Variants in TMEM182 observed in about 807,000 individuals in gnomAD.
The protein encoded by TMEM182 is transmembrane protein 182.
A neutral mutation model predicts 26.8 loss-of-function variants in TMEM182; 20 were observed. The observed-to-expected ratio is 0.75, with a 90% CI of 0.53 to 1.09. The LOEUF (loss-of-function observed/expected upper bound fraction) is 1.09. Ranked by LOEUF, TMEM182 falls within the 50% of genes least tolerant of loss-of-function variation. The pLI is 0.00. For synonymous variants in TMEM182, 109 were observed against 102.2 expected (o/e 1.07, Z -0.40); for missense variants, 277 against 275.5 (o/e 1.01, Z -0.04).
downstream of TMEM182, among the ~76,000 whole-genome samples, chr2:102,822,317 G>T (rs192972137): frequency 6.6e-6 from 1 of 152,230 alleles, no homozygotes; most frequent in African/African-American, 2.4e-5. Context: ...GGAAGACTGA[G>T]CCTGCGGAGA....
At chr2:102,821,408 AATTG>A (rs1682912695), downstream of TMEM182, among the ~76,000 whole-genome samples, 1 of 151,922 alleles carries the variant, frequency 6.6e-6, no homozygotes, top group Admixed American at 6.6e-5. Flanking sequence ...CACGAGTTGT[AATTG>A]ATTAAGTGTG....
chr2:102,825,410 A>T (rs763964760), intron 3 of TMEM182, among the ~76,000 whole-genome samples: 48 of 152,176 alleles, frequency 3.2e-4, no homozygotes, highest in Non-Finnish European at 5.6e-4. Flanking sequence ...TTAGTTTTTT[A>T]CCTAATTGTA....
At chr2:102,826,718 C>T (rs537292891) in intron 3 of TMEM182, among the ~76,000 whole-genome samples, 9 of 152,242 alleles carry the variant, frequency 5.9e-5, no homozygotes, top group African/African-American at 2.2e-4. Context: ...CTCCACTCAT[C>T]TTAGGGACTT....
chr2:102,820,013 T>C (rs1427909778), downstream of TMEM182, among the ~76,000 whole-genome samples: 1 of 152,216 alleles, frequency 6.6e-6, no homozygotes, highest in African/African-American at 2.4e-5. Context: ...TGTCAATAAG[T>C]ATTTATTTAA....
intron 3 of TMEM182, among the ~76,000 whole-genome samples, chr2:102,793,659 T>C (rs2732812): frequency 0.54 from 82,316 of 152,022 alleles, 22,877 homozygotes; most frequent in African/African-American, 0.66. Flanking sequence ...CTTCTAATAT[T>C]TACTACAATG....
intron 1 of TMEM182, among the ~76,000 whole-genome samples, chr2:102,755,703 T>C (rs1342218676): frequency 6.6e-6 from 1 of 152,194 alleles, no homozygotes; most frequent in African/African-American, 2.4e-5. Flanking sequence ...CCCTCTGGCC[T>C]TTGTAAGGGG....
chr2:102,831,854 T>C (rs944555621), intron 3 of TMEM182, among the ~76,000 whole-genome samples: 1 of 152,144 alleles, frequency 6.6e-6, no homozygotes, highest in Non-Finnish European at 1.5e-5. Flanking sequence ...CCATGACTTA[T>C]TGCAAACTTG....
In TMEM182 at chr2:102,816,190, C is replaced by T. The variant is rs1573568667; in HGVS notation, c.*1222C>T. 2.3e-5 allele frequency: 23 copies of T among 985,204 alleles called. No homozygotes were observed. The highest frequency in any genetic ancestry group is 3.5e-5 in the African/African-American group (2 of 57,184). The allele number at this position is 985,204 out of a possible 1,614,324, so 61.0% of individuals were successfully genotyped here. ...TCAAATCCATCTGAGATGCCTAGCT[C>T]GTATTTGCATTCTGGAAGCCTCCAT... is the stretch of plus-strand genomic sequence containing the variant. On this transcript the variant is annotated 3_prime_UTR_variant, in exon 5 of 5. Transcript: ENST00000412401.
At chr2:102,793,874 C>T (rs967822604) in intron 3 of TMEM182, among the ~76,000 whole-genome samples, 6 of 152,066 alleles carry the variant, frequency 3.9e-5, no homozygotes, top group Non-Finnish European at 5.9e-5. Flanking sequence ...ACACAAGACC[C>T]CCTGCTGTGC....
upstream of TMEM182, among the ~76,000 whole-genome samples, chr2:102,757,161 G>A (rs111891930): frequency 0.01 from 1,547 of 152,114 alleles, 30 homozygotes; most frequent in African/African-American, 0.035. Flanking sequence ...ATCTACATGG[G>A]GAGCAGACCT....
chr2:102,768,081 A>G (rs1018707858), intron 3 of TMEM182, among the ~76,000 whole-genome samples: 2 of 152,190 alleles, frequency 1.3e-5, no homozygotes, highest in Admixed American at 6.5e-5. Context: ...CCACTGGTAC[A>G]TGCACTGGGC....
chr2:102,817,770 T>C (rs1682805954), downstream of TMEM182: 1 of 919,544 alleles, frequency 1.1e-6, no homozygotes, highest in Non-Finnish European at 1.3e-6. Context: ...TATGTAAGTG[T>C]GCATGTGTAT....
rs115991670 is a variant in TMEM182 at position 102,814,762 on chromosome 2, T to C, written c.484T>C (p.Leu162=). ...SYIAAGILFS[L]VVMLYVIWVQ... is the part of the protein sequence containing the mutation. The stretch of plus-strand genomic sequence containing the variant: ...ATCCTTCTCAGGCATCCTATTTTCA[T>C]TGGTGGTGATGCTGTATGTCATCTG... The change falls in exon 5 of 5, where the codon TTG becomes CTG. Residue 162 remains leucine (L), a synonymous_variant. Coordinates refer to ENST00000412401, the MANE Select transcript of TMEM182 (RefSeq NM_144632.5). 7.4e-6 allele frequency: 12 copies of C among 1,613,312 alleles called. 1 individual carries two copies. In the East Asian group the frequency reaches 1.3e-4, roughly 18 times the overall value.
At chr2:102,753,134 A>G (rs922207646) in intron 1 of TMEM182, among the ~76,000 whole-genome samples, 4 of 152,178 alleles carry the variant, frequency 2.6e-5, no homozygotes, top group Admixed American at 2.6e-4. Flanking sequence ...TGCTTATGAA[A>G]TGTTTTACTG....
At chr2:102,798,056 T>G in intron 4 of TMEM182, 56 bp downstream of exon 4, 1 of 1,554,910 alleles carries the variant, frequency 6.4e-7, no homozygotes, top group Non-Finnish European at 8.7e-7. Context: ...CATGTCTTTC[T>G]ATTTTTCATT....
Position 102,797,873 on chromosome 2 carries a change from T to C in TMEM182, c.342T>C (p.Gly114=), listed in dbSNP as rs1479847582. The change falls in exon 4 of 5, where the codon GGT becomes GGC. Residue 114 remains glycine, a synonymous_variant. Transcript: ENST00000412401. ...TSYDSAVIYR[G]FWAVLMLLGV... ...TCCTGGGGTCTCCAGTTTACCGTGGTTTCTGGGCAGTCCTGATGCTCCTGG... is the reference window on the plus strand; with the variant it reads ...TCCTGGGGTCTCCAGTTTACCGTGGCTTCTGGGCAGTCCTGATGCTCCTGG... 1 of 1,612,790 alleles carries C rather than the reference T, an allele frequency of 6.2e-7. No homozygotes were observed. The highest frequency in any genetic ancestry group is 1.3e-5 in the African/African-American group (1 of 74,732).
At chr2:102,775,930 A>G (rs1246899475) in intron 3 of TMEM182, among the ~76,000 whole-genome samples, 1 of 152,182 alleles carries the variant, frequency 6.6e-6, no homozygotes, top group Non-Finnish European at 1.5e-5. Flanking sequence ...CATCCAATGA[A>G]TTAATTTCTG....
At chr2:102,827,817 G>C (rs1683064696) in intron 3 of TMEM182, among the ~76,000 whole-genome samples, 1 of 152,212 alleles carries the variant, frequency 6.6e-6, no homozygotes, top group African/African-American at 2.4e-5. Context: ...AAAATGACTT[G>C]TGGCTTAGGC....
At chr2:102,759,693 A>C (rs766024633), upstream of TMEM182, among the ~76,000 whole-genome samples, 1 of 152,228 alleles carries the variant, frequency 6.6e-6, no homozygotes, top group Non-Finnish European at 1.5e-5. Flanking sequence ...CCACAGTTCC[A>C]GAGGCCAGAA....
Sources: gnomAD v4.1 joint callset for allele counts (sites outside exome capture counted in the v4.1 genomes callset) on GRCh38, gnomAD v4.1.1 for gene constraint, MANE v1.5 for transcripts, NCBI Gene and HGNC (gene_info 2026-07-23, HGNC 2026-07-21) for gene names.